SNX7: variants seen among roughly 807,000 people sequenced by gnomAD.
SNX7 encodes the protein sorting nexin-7.
In SNX7, 35 loss-of-function variants were observed where a neutral mutation model predicts 48.4. The ratio of observed to expected loss-of-function variants is 0.72; its 90% CI spans 0.55 to 0.96. The LOEUF is 0.96. Ranked by LOEUF, SNX7 falls within the 40% of genes least tolerant of loss-of-function variation. The probability of loss-of-function intolerance (pLI) is 0.00; values close to 1 mark genes in which losing one functional copy is unlikely to be tolerated. For missense variants in SNX7, 553 were observed against 548.9 expected (o/e 1.01, Z -0.07); for synonymous variants, 190 against 190.2 (o/e 1.00, Z 0.01).
intron 8 of SNX7, 107 bp downstream of exon 8, chr1:98,738,496 A>C (rs1386618215): frequency 9.3e-7 from 1 of 1,074,894 alleles, no homozygotes; most frequent in African/African-American, 1.6e-5. Flanking sequence ...TCACATTCTA[A>C]TGCCTCTCTG....
chr1:98,714,211 C>T (rs1452143966), intron 7 of SNX7, among the ~76,000 whole-genome samples: 1 of 152,138 alleles, frequency 6.6e-6, no homozygotes, highest in Non-Finnish European at 1.5e-5. Flanking sequence ...AATTTCTAGA[C>T]CCAAACTAGT....
intron 8 of SNX7, among the ~76,000 whole-genome samples, chr1:98,750,824 A>G (rs1654544906): frequency 6.6e-6 from 1 of 152,166 alleles, no homozygotes; most frequent in Non-Finnish European, 1.5e-5. Context: ...TTTGGAAATT[A>G]TAATGACAGT....
intron 7 of SNX7, among the ~76,000 whole-genome samples, chr1:98,716,567 T>C (rs1652601094): frequency 6.6e-6 from 1 of 151,996 alleles, no homozygotes. Flanking sequence ...CTACCATGAG[T>C]AGGGGGTGAT....
At chr1:98,752,537 G>T (rs894273602) in intron 8 of SNX7, among the ~76,000 whole-genome samples, 1 of 152,022 alleles carries the variant, frequency 6.6e-6, no homozygotes, top group Admixed American at 6.6e-5. Flanking sequence ...CATGAATGGG[G>T]ATCGGGCTCT....
intron 1 of SNX7, among the ~76,000 whole-genome samples, chr1:98,663,614 G>A (rs1649387457): frequency 6.6e-6 from 1 of 152,098 alleles, no homozygotes; most frequent in South Asian, 2.1e-4. Context: ...CCGACCAGAA[G>A]CATTTCTAAA....
At chr1:98,670,296 A>G (rs1022824781) in intron 1 of SNX7, among the ~76,000 whole-genome samples, 2 of 152,218 alleles carry the variant, frequency 1.3e-5, no homozygotes, top group African/African-American at 2.4e-5. Context: ...AAACCATATT[A>G]AGCTATTAAT....
intron 2 of SNX7, among the ~76,000 whole-genome samples, chr1:98,685,650 C>T (rs1286451314): frequency 1.3e-5 from 2 of 152,088 alleles, no homozygotes; most frequent in Non-Finnish European, 2.9e-5. Flanking sequence ...ATTTTAAGTC[C>T]TTTATTTAAT....
At chr1:98,751,039 C>T (rs905634067) in intron 8 of SNX7, among the ~76,000 whole-genome samples, 1 of 151,958 alleles carries the variant, frequency 6.6e-6, no homozygotes, top group Admixed American at 6.6e-5. Context: ...AGTTCAAACC[C>T]CTTACTATGA....
rs372517846 is a variant in SNX7 at position 98,695,508 on chromosome 1, T to A, written c.640-10T>A. The stretch of plus-strand genomic sequence containing the variant: ...TGTTTCACTAGAAATACTTGGTTTT[T>A]TGTTTCTAGGAACTCTCTTCTCACA... On this transcript the variant is annotated splice_polypyrimidine_tract_variant and intron_variant, in intron 4 of 8. Coordinates refer to ENST00000306121, the MANE Select transcript of SNX7 (RefSeq NM_015976.5). The A allele has an allele frequency of 1.9e-6, 3 of 1,609,726 alleles. No homozygotes were observed. The African/African-American group carries it at 4.0e-5, about 22-fold the overall frequency.
At chr1:98,692,734 T>G (rs1302673573) in intron 4 of SNX7, among the ~76,000 whole-genome samples, 2 of 152,192 alleles carry the variant, frequency 1.3e-5, no homozygotes, top group African/African-American at 2.4e-5. Flanking sequence ...GTACAGTGTG[T>G]AGTGTAGTTA....
At chr1:98,741,747 TTCCTAAC>T (rs1269739856) in intron 8 of SNX7, among the ~76,000 whole-genome samples, 33 of 152,182 alleles carry the variant, frequency 2.2e-4, no homozygotes, top group Admixed American at 5.2e-4. Flanking sequence ...GCATGGATAT[TTCCTAAC>T]TTTTTTCTTG....
upstream of SNX7, chr1:98,661,582 C>A (rs946252247): frequency 4.2e-6 from 3 of 717,694 alleles, no homozygotes; most frequent in East Asian, 1.4e-4. Context: ...CGGGCCAGCG[C>A]TGGTCCCGGC....
intron 8 of SNX7, among the ~76,000 whole-genome samples, chr1:98,753,253 C>T (rs1256485469): frequency 6.6e-6 from 1 of 152,048 alleles, no homozygotes; most frequent in Non-Finnish European, 1.5e-5. Flanking sequence ...TATTTCAAAA[C>T]ACATACTTTT....
At chr1:98,697,350 G>T (rs1034871439) in intron 5 of SNX7, among the ~76,000 whole-genome samples, 4 of 151,888 alleles carry the variant, frequency 2.6e-5, no homozygotes, top group Non-Finnish European at 5.9e-5. Context: ...GTAGTTTAGA[G>T]AAATATGACA....
At chr1:98,671,058 GC>G (rs1422230421) in intron 1 of SNX7, among the ~76,000 whole-genome samples, 2 of 152,156 alleles carry the variant, frequency 1.3e-5, no homozygotes, top group Non-Finnish European at 2.9e-5. Flanking sequence ...GGTCCTCATA[GC>G]CTGCTGTAGT....
At chr1:98,711,073 A>G (rs1452322872) in intron 7 of SNX7, among the ~76,000 whole-genome samples, 2 of 152,140 alleles carry the variant, frequency 1.3e-5, no homozygotes, top group East Asian at 1.9e-4. Context: ...CTGGAGGGCA[A>G]TGGCACGATC....
chr1:98,679,672 A>T (rs1349902228), intron 1 of SNX7, among the ~76,000 whole-genome samples: 1 of 152,236 alleles, frequency 6.6e-6, no homozygotes, highest in Non-Finnish European at 1.5e-5. Flanking sequence ...CTACAGGCTC[A>T]TGCAAGTCTG....
chr1:98,696,743 C>A (rs894685888), intron 5 of SNX7, among the ~76,000 whole-genome samples: 1 of 150,420 alleles, frequency 6.6e-6, no homozygotes, highest in African/African-American at 2.4e-5. Context: ...TTTTTTTTAA[C>A]CTGAATAAGT....
Position 98,704,125 on chromosome 1 carries a change from T to C in SNX7, c.1125+2222T>C, listed in dbSNP as rs1401595629. Among the ~76,000 whole-genome samples, 3 of 152,212 alleles carry C rather than the reference T, an allele frequency of 2.0e-5. No homozygotes were observed. The East Asian group carries it at 5.8e-4, about 29-fold the overall frequency. ...CTGGGCTTGCAAATATTTTGTCTTCTGCTGTATAAAAATTTTTTTGATATT... is the reference window on the plus strand; with the variant it reads ...CTGGGCTTGCAAATATTTTGTCTTCCGCTGTATAAAAATTTTTTTGATATT... On this transcript the variant is annotated intron_variant, in intron 7 of 8. Coordinates refer to ENST00000306121, the MANE Select transcript of SNX7 (RefSeq NM_015976.5).
Sources: allele counts gnomAD v4.1 joint callset (sites outside exome capture counted in the v4.1 genomes callset), GRCh38; gene constraint gnomAD v4.1.1; transcripts MANE v1.5; gene names NCBI Gene and HGNC (gene_info 2026-07-23, HGNC 2026-07-21).